Variants in PCDHGB7 observed in about 807,000 individuals in gnomAD.
PCDHGB7 encodes protocadherin gamma-B7.
In PCDHGB7, 37 loss-of-function variants were observed where a neutral mutation model predicts 61.4. The observed-to-expected ratio is 0.60, with a 90% CI of 0.46 to 0.79. The LOEUF is 0.79. PCDHGB7 is among the 30% of genes least tolerant of loss of function. PCDHGB7 has a pLI of 0.00. For synonymous variants in PCDHGB7, 464 were observed against 503.5 expected, an observed-to-expected ratio of 0.92 and a Z score of 1.05; for missense variants, 1,166 against 1,202.5, an observed-to-expected ratio of 0.97 and a Z score of 0.45.
In PCDHGB7 at chr5:141,418,718, A is replaced by G. The variant is rs1334115906; in HGVS notation, c.859A>G (p.Lys287Glu). The part of the protein sequence containing the change: ...ITYSFFGVAD[K>E]AQHVFSLDYT... ...TTATTCCTTCTTTGGTGTGGCTGAC[A>G]AAGCTCAGCACGTGTTCTCTCTGGA... Residue 287 changes from lysine to glutamate, a missense_variant, in exon 1 of 4, where the codon AAA becomes GAA. Transcript: ENST00000398594. 2.5e-6 allele frequency: 4 copies of G among 1,613,912 alleles called. No individual in the cohort carries two copies. Among genetic ancestry groups the G allele is most frequent in the Non-Finnish European group, 3.4e-6 (4 of 1,179,886 alleles).
In PCDHGB7 at chr5:141,487,938, G is replaced by A; in HGVS notation, c.2416-6869G>A. ...GAGGCTACAGTGCACAGGGTACAGT[G>A]CACCAGGCAGTCACTTGGACAAAGG... is the stretch of plus-strand genomic sequence containing the variant. On this transcript the variant is annotated intron_variant, in intron 1 of 3. Coordinates refer to ENST00000398594, the MANE Select transcript of PCDHGB7 (RefSeq NM_018927.4). This position sits in a 1 kb window ranked among gnomAD's most constrained non-coding sequence, Gnocchi z 5.0. 1.7e-6 allele frequency: 1 copy of A among 600,308 alleles called. No homozygotes were observed. The highest frequency in any genetic ancestry group is 2.9e-6 in the Non-Finnish European group (1 of 342,970). 37.2% of individuals were successfully genotyped at this position (600,308 alleles called of 1,614,324 possible).
In PCDHGB7 at chr5:141,511,116, G is replaced by A. The variant is rs2099883616; in HGVS notation, c.2733G>A (p.Lys911=). Residue 911 remains lysine, a synonymous_variant, in exon 4 of 4, where the codon AAG becomes AAA. Transcript: ENST00000398594. The stretch of plus-strand genomic sequence containing the variant: ...ACGCAGCTGGCAAGCGGGATGGCAA[G>A]GCCCCAGCAGGTGGCAATGGCAACA... ...LTNAAGKRDG[K]APAGGNGNKK... The A allele has an allele frequency of 1.9e-6, 3 of 1,614,234 alleles. No individual in the cohort carries two copies. The highest frequency in any genetic ancestry group is 2.5e-6 in the Non-Finnish European group (3 of 1,180,026).
At chr5:141,433,605 G>A (rs1411907056) in intron 1 of PCDHGB7, among the ~76,000 whole-genome samples, 1 of 152,114 alleles carries the variant, frequency 6.6e-6, no homozygotes, top group South Asian at 2.1e-4. Context: ...GGAGGCCGAG[G>A]CGGGTGGATC....
rs2096397603 is a variant in PCDHGB7, at chr5:141,419,547, T to C, written c.1688T>C (p.Leu563Pro). Residue 563 changes from leucine (L) to proline (P), a missense_variant, in exon 1 of 4, where the codon CTG becomes CCG. Physicochemically the swap from Leu to Pro is moderately conservative, Grantham distance 98. Coordinates refer to ENST00000398594, the MANE Select transcript of PCDHGB7 (RefSeq NM_018927.4). Reference sequence around the variant, plus strand: ...CGTAACGACAACGCACCGCGGGTGCTGTACCCTGCGCTGGGTCCCGACGGC... The same window carrying C: ...CGTAACGACAACGCACCGCGGGTGCCGTACCCTGCGCTGGGTCCCGACGGC... ...GDRNDNAPRV[L>P]YPALGPDGSA... The C allele has an allele frequency of 3.7e-6, 6 of 1,612,070 alleles. No individual in the cohort carries two copies. Among genetic ancestry groups the C allele is most frequent in the Non-Finnish European group, 5.1e-6 (6 of 1,179,490 alleles).
At position 141,454,796 on chromosome 5, in the gene PCDHGB7, ATTT is replaced by A. The variant is rs61612330; in HGVS notation, c.2415+34549_2415+34551del. On this transcript the variant is annotated intron_variant, in intron 1 of 3. Coordinates refer to ENST00000398594, the MANE Select transcript of PCDHGB7 (RefSeq NM_018927.4). ...AAGGAAATAATCCTCCATGGTTCTA[ATTT>A]TTTTTTTTTTTTTTTTTTTTTTTTT... is the stretch of plus-strand genomic sequence containing the variant. 8.4e-3 allele frequency among the ~76,000 whole-genome samples: 651 copies of A among 77,268 alleles called. 2 individuals are homozygous for A. Among genetic ancestry groups the A allele is most frequent in the African/African-American group, 0.012 (206 of 16,834 alleles). The allele number at this position is 77,268 out of a possible 152,430, so 50.7% of individuals were successfully genotyped here. A position where few individuals can be genotyped will look rare whatever the true frequency, so the allele number is the denominator to read the frequency against.
At position 141,505,383 on chromosome 5, in the gene PCDHGB7, C is replaced by G. The variant is rs369765886; in HGVS notation, c.2475-10C>G. On this transcript the variant is annotated splice_polypyrimidine_tract_variant and intron_variant, in intron 2 of 3. Transcript: ENST00000398594. ...GGGAGTCTGTGCTCACCATCCTACT[C>G]TCTCCCCAGCTCCCAAAATGGCGAT... The G allele has an allele frequency of 6.2e-7, 1 of 1,613,944 alleles. No homozygotes were observed. The highest frequency in any genetic ancestry group is 1.3e-5 in the African/African-American group (1 of 74,914).
At chr5:141,470,942 C>T (rs1156728317) in intron 1 of PCDHGB7, among the ~76,000 whole-genome samples, 1 of 152,020 alleles carries the variant, frequency 6.6e-6, no homozygotes, top group Non-Finnish European at 1.5e-5. Context: ...GTCTCAAATT[C>T]CTGGCCTCAA....
At chr5:141,465,922 T>A (rs7704812) in intron 1 of PCDHGB7, among the ~76,000 whole-genome samples, 42,795 of 151,826 alleles carry the variant, frequency 0.28, 6,697 homozygotes, top group African/African-American at 0.42. Flanking sequence ...GGATTTCGAG[T>A]CCATCCTGGC....
chr5:141,423,720 A>G, intron 1 of PCDHGB7: 1 of 957,774 alleles, frequency 1.0e-6, no homozygotes, highest in East Asian at 6.0e-5. Flanking sequence ...TTTTAAGGAG[A>G]TGTTTTTTGA....
intron 1 of PCDHGB7, chr5:141,420,925 G>A: frequency 2.8e-6 from 1 of 355,536 alleles, no homozygotes; most frequent in Non-Finnish European, 5.1e-6. Context: ...TCACAAAGGT[G>A]AGCGTAATCA....
At chr5:141,429,770 A>T (rs2097244120) in intron 1 of PCDHGB7, among the ~76,000 whole-genome samples, 1 of 152,122 alleles carries the variant, frequency 6.6e-6, no homozygotes, top group Admixed American at 6.6e-5. Context: ...CTATATTTTG[A>T]TGGGCTTCCA....
Position 141,512,910 on chromosome 5 carries a change from T to C in PCDHGB7, c.*1737T>C, listed in dbSNP as rs2099884499. On this transcript the variant is annotated 3_prime_UTR_variant, in exon 4 of 4. Transcript: ENST00000398594. Reference sequence around the variant, plus strand: ...CTCTTCCTGTGTCTCACGCAAGTTTTATACTCTAATATTTATATGGCTTTT... The same window carrying C: ...CTCTTCCTGTGTCTCACGCAAGTTTCATACTCTAATATTTATATGGCTTTT... 1 of 152,274 alleles carries C rather than the reference T, an allele frequency of 6.6e-6. No homozygotes were observed. The highest frequency in any genetic ancestry group is 2.1e-4 in the South Asian group (1 of 4,836). 9.4% of individuals were successfully genotyped at this position (152,274 alleles called of 1,614,324 possible). A position where few individuals can be genotyped will look rare whatever the true frequency, so the allele number is the denominator to read the frequency against.
At chr5:141,500,094 A>C (rs2099796337) in intron 2 of PCDHGB7, among the ~76,000 whole-genome samples, 1 of 151,860 alleles carries the variant, frequency 6.6e-6, no homozygotes, top group South Asian at 2.1e-4. Context: ...CCATTTTTGC[A>C]ATTTATTTGT....
At position 141,490,490 on chromosome 5, in the gene PCDHGB7, C is replaced by T; in HGVS notation, c.2416-4317C>T. 1 of 1,614,184 alleles carries T rather than the reference C, an allele frequency of 6.2e-7. No homozygotes were observed. The highest frequency in any genetic ancestry group is 8.5e-7 in the Non-Finnish European group (1 of 1,180,028). The stretch of plus-strand genomic sequence containing the variant: ...AGCCAGCCTTTGGACCGGGAGGCCA[C>T]ATCCCACTATATCATCGAGCTGCTG... On this transcript the variant is annotated intron_variant, in intron 1 of 3. Coordinates refer to ENST00000398594, the MANE Select transcript of PCDHGB7 (RefSeq NM_018927.4). The surrounding 1 kb of genome is among the most constrained non-coding windows in gnomAD (Gnocchi z 5.4).
rs2099605934 is a variant in PCDHGB7, at chr5:141,485,057, C to G, written c.2416-9750C>G. On this transcript the variant is annotated intron_variant, in intron 1 of 3. Transcript: ENST00000398594. The surrounding 1 kb of genome is among the most constrained non-coding windows in gnomAD (Gnocchi z 5.7). ...GTAACCCTTGCGGCGCCGGCCGAAC[C>G]GCGCCAGAGCTGGCGCGGGGAAAGG... The G allele has an allele frequency of 1.2e-6, 1 of 843,720 alleles. No homozygotes were observed. Among genetic ancestry groups the G allele is most frequent in the Non-Finnish European group, 1.9e-6 (1 of 524,586 alleles). 52.3% of individuals were successfully genotyped at this position (843,720 alleles called of 1,614,324 possible).
chr5:141,423,525 G>A (rs1014975146), intron 1 of PCDHGB7: 8 of 1,613,710 alleles, frequency 5.0e-6, no homozygotes, highest in African/African-American at 2.7e-5. Context: ...ACTCGCAGAA[G>A]AGTCACCTGA....
Position 141,432,136 on chromosome 5 carries a change from T to C in PCDHGB7, c.2415+11862T>C, listed in dbSNP as rs766026174. 2 of 1,613,960 alleles carry C rather than the reference T, an allele frequency of 1.2e-6. No individual in the cohort carries two copies. The highest frequency in any genetic ancestry group is 1.7e-5 in the Admixed American group (1 of 59,996). On this transcript the variant is annotated intron_variant, in intron 1 of 3. Transcript: ENST00000398594. The surrounding 1 kb of genome is among the most constrained non-coding windows in gnomAD (Gnocchi z 6.0). ...TCTTCCCTCAGGCCTCCTATTCCGC[T>C]TATATCCCAGAGAACAATCCCAGAG...
At chr5:141,455,903 ATTTATTT>A (rs2098836354) in intron 1 of PCDHGB7, among the ~76,000 whole-genome samples, 1 of 145,228 alleles carries the variant, frequency 6.9e-6, no homozygotes, top group African/African-American at 2.7e-5. Context: ...TTATTTATTT[ATTTATTT>A]ATTTTGAGAC....
Position 141,418,688 on chromosome 5 carries a change from A to C in PCDHGB7, c.829A>C (p.Ile277Leu). The C allele has an allele frequency of 1.2e-6, 2 of 1,614,032 alleles. No individual in the cohort carries two copies. The highest frequency in any genetic ancestry group is 1.7e-6 in the Non-Finnish European group (2 of 1,179,892). The change falls in exon 1 of 4, where the codon ATC becomes CTC. Residue 277 changes from isoleucine (I) to leucine (L), a missense_variant. Ile to Leu is a conservative substitution (Grantham distance 5). Transcript: ENST00000398594. ...TDQDEGINSE[I>L]TYSFFGVADK... is the part of the protein sequence containing the mutation. Reference sequence around the variant, plus strand: ...CCAGGACGAGGGCATCAACTCAGAGATCACTTATTCCTTCTTTGGTGTGGC... The same window carrying C: ...CCAGGACGAGGGCATCAACTCAGAGCTCACTTATTCCTTCTTTGGTGTGGC...
Sources: gnomAD v4.1 joint callset for allele counts (sites outside exome capture counted in the v4.1 genomes callset) on GRCh38, gnomAD v4.1.1 for gene constraint, Gnocchi (gnomAD v3.1) non-coding constraint, MANE v1.5 for transcripts, NCBI Gene and HGNC (gene_info 2026-07-23, HGNC 2026-07-21) for gene names.